ZNF827: variants seen among roughly 807,000 people sequenced by gnomAD.
ZNF827 encodes the protein zinc finger protein 827.
ZNF827 carries 13 observed loss-of-function variants against 102.4 expected under a neutral mutation model. The ratio of observed to expected loss-of-function variants is 0.13; its 90% CI spans 0.08 to 0.20. The LOEUF is 0.20. Ranked by LOEUF, ZNF827 falls within the 10% of genes least tolerant of loss-of-function variation. ZNF827 has a pLI of 1.00. For synonymous variants in ZNF827, 523 were observed against 536.2 expected, an observed-to-expected ratio of 0.98 and a Z score of 0.34; for missense variants, 1,103 against 1,344.4, an observed-to-expected ratio of 0.82 and a Z score of 2.81.
chr4:145,893,047 C>T (rs1354115832), intron 2 of ZNF827, among the ~76,000 whole-genome samples: 4 of 152,188 alleles, frequency 2.6e-5, no homozygotes, highest in Admixed American at 1.3e-4. Context: ...GGGTTTTTGA[C>T]CCTTTTATTT....
At chr4:145,773,012 A>T (rs1372294354) in intron 11 of ZNF827, among the ~76,000 whole-genome samples, 1 of 152,060 alleles carries the variant, frequency 6.6e-6, no homozygotes, top group Non-Finnish European at 1.5e-5. Context: ...ATGGGTGTGG[A>T]GGGGGCTTTG....
At chr4:145,935,735 C>T (rs552851165) in intron 1 of ZNF827, among the ~76,000 whole-genome samples, 2 of 152,120 alleles carry the variant, frequency 1.3e-5, no homozygotes, top group Non-Finnish European at 2.9e-5. Context: ...GAAAATATAA[C>T]TTCATCACCA....
intron 5 of ZNF827, among the ~76,000 whole-genome samples, chr4:145,850,094 C>T (rs1560996923): frequency 6.6e-6 from 1 of 151,866 alleles, no homozygotes; most frequent in Non-Finnish European, 1.5e-5. Context: ...ACTGCAATCT[C>T]CACCTCCCAG....
At position 145,885,788 on chromosome 4, in the gene ZNF827, T is replaced by C. The variant is rs752042721; in HGVS notation, c.1637A>G (p.Asn546Ser). The C allele has an allele frequency of 4.3e-6, 7 of 1,612,342 alleles. No homozygotes were observed. Among genetic ancestry groups the C allele is most frequent in the South Asian group, 1.1e-5 (1 of 90,674 alleles). ...GGAGGGGTCTTTCAGCTTTGTGTGG[T>C]TGGCGGGCCTGTCGGCAGCATTCAA... ...FTLNAADRPA[N>S]HTKLKDPSEY... The change falls in exon 4 of 15, where the codon AAC becomes AGC. Residue 546 changes from asparagine to serine, a missense_variant. Physicochemically the swap from Asn to Ser is conservative, Grantham distance 46 (BLOSUM62 1). Coordinates refer to ENST00000508784, the MANE Select transcript of ZNF827 (RefSeq NM_001306215.2).
intron 4 of ZNF827, among the ~76,000 whole-genome samples, chr4:145,877,056 A>G (rs1318236691): frequency 6.6e-6 from 1 of 152,094 alleles, no homozygotes; most frequent in Non-Finnish European, 1.5e-5. Flanking sequence ...TTTTCCCCCT[A>G]ATTGCTTGGC....
At chr4:145,768,890 A>AATATATATATAT (rs1553975846) in intron 11 of ZNF827, among the ~76,000 whole-genome samples, 1 of 7,724 alleles carries the variant, frequency 1.3e-4, no homozygotes, top group African/African-American at 3.5e-4. Flanking sequence ...AAAAAAAAAA[A>AATATATATATAT]ATATATATAT....
intron 8 of ZNF827, among the ~76,000 whole-genome samples, chr4:145,815,710 G>T (rs571563082): frequency 1.3e-5 from 2 of 152,290 alleles, no homozygotes; most frequent in African/African-American, 4.8e-5. Context: ...TACAGAAAAG[G>T]CCTTGTAGAT....
intron 3 of ZNF827, among the ~76,000 whole-genome samples, chr4:145,889,112 G>A (rs189349157): frequency 5.8e-4 from 88 of 152,202 alleles, no homozygotes; most frequent in African/African-American, 2.1e-3. Flanking sequence ...TGGGATTAAG[G>A]ATCAACTTTA....
At chr4:145,823,361 T>C in intron 8 of ZNF827, 61 bp downstream of exon 8, 1 of 1,400,906 alleles carries the variant, frequency 7.1e-7, no homozygotes, top group East Asian at 2.3e-5. Flanking sequence ...AATTCACACA[T>C]TTCAGAAAAG....
At chr4:145,918,355 A>AC in intron 1 of ZNF827, among the ~76,000 whole-genome samples, 1 of 149,950 alleles carries the variant, frequency 6.7e-6, no homozygotes, top group Non-Finnish European at 1.5e-5. Context: ...AAAAAAAAAA[A>AC]AAAACTGGCT....
rs558142715 is a variant in ZNF827, at chr4:145,761,101, G to A, written c.*515C>T. 4.7e-6 allele frequency: 6 copies of A among 1,289,612 alleles called. No individual in the cohort carries two copies. In the South Asian group the frequency reaches 6.2e-5, roughly 13 times the overall value. The allele number at this position is 1,289,612 out of a possible 1,614,324, so 79.9% of individuals were successfully genotyped here. A position where few individuals can be genotyped will look rare whatever the true frequency, so the allele number is the denominator to read the frequency against. Reference sequence around the variant, plus strand: ...TGACAGGGGAGACAGGAGATTCCGGGAGCTCCCGACCACCAGGAGCGGGGC... The same window carrying A: ...TGACAGGGGAGACAGGAGATTCCGGAAGCTCCCGACCACCAGGAGCGGGGC... On this transcript the variant is annotated 3_prime_UTR_variant, in exon 15 of 15. Coordinates refer to ENST00000508784, the MANE Select transcript of ZNF827 (RefSeq NM_001306215.2). This position sits in a 1 kb window ranked among gnomAD's most constrained non-coding sequence, Gnocchi z 6.8.
rs544154981 is a variant in ZNF827, at chr4:145,806,008, T to C, written c.2383+17414A>G. ...TTTTTCATGATGTTACCTATAATAG[T>C]ACTAGTTTATTGTCTGCCTCCCCCT... On this transcript the variant is annotated intron_variant, in intron 8 of 14. Coordinates refer to ENST00000508784, the MANE Select transcript of ZNF827 (RefSeq NM_001306215.2). Among the ~76,000 whole-genome samples the C allele has an allele frequency of 4.6e-5, 7 of 152,154 alleles. No homozygotes were observed. In the South Asian group the frequency reaches 8.3e-4, roughly 18 times the overall value.
At chr4:145,920,352 G>C (rs1006935634) in intron 1 of ZNF827, among the ~76,000 whole-genome samples, 25 of 152,210 alleles carry the variant, frequency 1.6e-4, no homozygotes, top group African/African-American at 6.0e-4. Flanking sequence ...CAGAAAGAGA[G>C]CAACAGCCAA....
chr4:145,857,099 C>T (rs1024391107), intron 5 of ZNF827, among the ~76,000 whole-genome samples: 7 of 151,910 alleles, frequency 4.6e-5, no homozygotes, highest in Non-Finnish European at 8.8e-5. Context: ...CAACATTTTC[C>T]CTCTATATCA....
At chr4:145,771,491 T>C (rs966894040) in intron 11 of ZNF827, among the ~76,000 whole-genome samples, 3 of 152,240 alleles carry the variant, frequency 2.0e-5, no homozygotes, top group Admixed American at 6.5e-5. Context: ...CAATGCCATT[T>C]ATTGCAACAT....
intron 5 of ZNF827, among the ~76,000 whole-genome samples, chr4:145,864,314 A>T (rs575711347): frequency 6.6e-6 from 1 of 150,418 alleles, no homozygotes; most frequent in East Asian, 2.0e-4. Flanking sequence ...CTGTAATCCC[A>T]GTACTTTGTG....
At chr4:145,822,513 G>A (rs1458983376) in intron 8 of ZNF827, among the ~76,000 whole-genome samples, 1 of 152,172 alleles carries the variant, frequency 6.6e-6, no homozygotes, top group East Asian at 1.9e-4. Context: ...TTTTGAAGAG[G>A]CTGCGGGGCC....
chr4:145,764,500 T>C (rs1734986089), intron 13 of ZNF827, among the ~76,000 whole-genome samples: 1 of 152,196 alleles, frequency 6.6e-6, no homozygotes, highest in East Asian at 1.9e-4. Flanking sequence ...ATGAAGCACA[T>C]GATCGTTGCA....
rs1005809224 is a variant in ZNF827, at chr4:145,762,216, C to G, written c.*18-618G>C. On this transcript the variant is annotated intron_variant, in intron 14 of 14. Transcript: ENST00000508784. This position sits in a 1 kb window ranked among gnomAD's most constrained non-coding sequence, Gnocchi z 4.9. ...GTGTGCATGTGTACATATCTATGTACTCGTAAAACATATCTCCCTACAGGA... is the reference window on the plus strand; with the variant it reads ...GTGTGCATGTGTACATATCTATGTAGTCGTAAAACATATCTCCCTACAGGA... 1.3e-5 allele frequency among the ~76,000 whole-genome samples: 2 copies of G among 151,944 alleles called. No individual in the cohort carries two copies. Among genetic ancestry groups the G allele is most frequent in the Admixed American group, 6.6e-5 (1 of 15,262 alleles).
Sources: gnomAD v4.1 joint callset for allele counts (sites outside exome capture counted in the v4.1 genomes callset) on GRCh38, gnomAD v4.1.1 for gene constraint, Gnocchi (gnomAD v3.1) non-coding constraint, MANE v1.5 for transcripts, NCBI Gene and HGNC (gene_info 2026-07-23, HGNC 2026-07-21) for gene names.